The following CNTN3 variants were observed in gnomAD, a reference collection of about 807,000 sequenced individuals.
CNTN3 encodes contactin 3, also known as contactin-3.
A neutral mutation model predicts 119.1 loss-of-function variants in CNTN3; 60 were observed. The observed-to-expected ratio is 0.50, with a 90% CI of 0.41 to 0.62. The LOEUF (loss-of-function observed/expected upper bound fraction) is 0.62. CNTN3 is among the 20% of genes least tolerant of loss of function. CNTN3 has a pLI of 0.00. For missense variants in CNTN3, 1,101 were observed against 1,242.4 expected (o/e 0.89, Z 1.71); for synonymous variants, 450 against 438.7 (o/e 1.03, Z -0.32).
At chr3:74,367,784 A>C (rs1270232070) in intron 8 of CNTN3, among the ~76,000 whole-genome samples, 2 of 152,128 alleles carry the variant, frequency 1.3e-5, no homozygotes, top group African/African-American at 4.8e-5. Flanking sequence ...TTATGTATAC[A>C]GGGTTTCTGT....
At chr3:74,528,740 T>C (rs374510871) in intron 1 of CNTN3, among the ~76,000 whole-genome samples, 3 of 151,960 alleles carry the variant, frequency 2.0e-5, no homozygotes, top group Admixed American at 2.0e-4. Flanking sequence ...TGATATTTTA[T>C]GTATTTTCAA....
Position 74,465,250 on chromosome 3 carries a change from G to A in CNTN3, c.358+21206C>T, listed in dbSNP as rs1575753097. On this transcript the variant is annotated intron_variant, in intron 4 of 22. Transcript: ENST00000263665. The stretch of plus-strand genomic sequence containing the variant: ...TTCACCAGACTTTGTGTTCCATTCC[G>A]GGGATACAAAGAATACCAAATGATC... Among the ~76,000 whole-genome samples, 4 of 152,162 alleles carry A rather than the reference G, an allele frequency of 2.6e-5. 1 individual carries two copies. The highest frequency in any genetic ancestry group is 2.6e-4 in the Admixed American group (4 of 15,266).
At chr3:74,336,255 T>TA (rs925069150) in intron 12 of CNTN3, among the ~76,000 whole-genome samples, 10 of 151,270 alleles carry the variant, frequency 6.6e-5, no homozygotes, top group Non-Finnish European at 1.2e-4. Flanking sequence ...GAATTTTATT[T>TA]AAAAAAAAAT....
chr3:74,356,438 C>G (rs1190919698), intron 11 of CNTN3, among the ~76,000 whole-genome samples: 1 of 152,062 alleles, frequency 6.6e-6, no homozygotes. Context: ...CTCTAGAGAG[C>G]TTGTCCTGAT....
intron 4 of CNTN3, among the ~76,000 whole-genome samples, chr3:74,452,461 A>G (rs2106952042): frequency 6.7e-6 from 1 of 148,364 alleles, no homozygotes; most frequent in Non-Finnish European, 1.5e-5. Flanking sequence ...TCATCTGCAA[A>G]CAGGGACAAT....
In CNTN3 at chr3:74,371,392, T is replaced by C. The variant is rs1210387599; in HGVS notation, c.462A>G (p.Ser154=). The change falls in exon 6 of 23, where the codon TCA becomes TCG. Residue 154 remains serine, a synonymous_variant. Coordinates refer to ENST00000263665, the MANE Select transcript of CNTN3 (RefSeq NM_020872.3). ...GGTATTCATTGAAGATCCAAGCATA[T>C]GACAGTTCTAATAAAATTGTTGAAG... The part of the protein sequence containing the change: ...CGPPPHSGEL[S]YAWIFNEYPS... The C allele has an allele frequency of 1.2e-6, 2 of 1,611,498 alleles. No homozygotes were observed. Among genetic ancestry groups the C allele is most frequent in the African/African-American group, 1.3e-5 (1 of 74,822 alleles).
At chr3:74,267,456 A>G in intron 20 of CNTN3, 78 bp from the exon 21 acceptor site, 1 of 990,586 alleles carries the variant, frequency 1.0e-6, no homozygotes, top group Non-Finnish European at 1.6e-6. Context: ...GGCGGCTATC[A>G]TAGGAAGCTA....
chr3:74,599,378 G>A (rs1181238104), intron 1 of CNTN3, among the ~76,000 whole-genome samples: 1 of 152,084 alleles, frequency 6.6e-6, no homozygotes, highest in East Asian at 1.9e-4. Flanking sequence ...AAACTTGGTA[G>A]ATGAGTAAGA....
chr3:74,410,769 C>T (rs573692785), intron 5 of CNTN3, among the ~76,000 whole-genome samples: 1 of 152,054 alleles, frequency 6.6e-6, no homozygotes, highest in Non-Finnish European at 1.5e-5. Context: ...AGTTTCCCCA[C>T]CAGAAAACAC....
intron 5 of CNTN3, among the ~76,000 whole-genome samples, chr3:74,410,938 G>A (rs187331723): frequency 2.6e-5 from 4 of 152,220 alleles, no homozygotes. Flanking sequence ...GTATCAATAA[G>A]TGAACAGTCA....
intron 2 of CNTN3, among the ~76,000 whole-genome samples, chr3:74,503,077 C>T (rs1703193028): frequency 6.6e-6 from 1 of 152,130 alleles, no homozygotes; most frequent in Non-Finnish European, 1.5e-5. Context: ...CATCTTCTCA[C>T]CTTGCACGTG....
At chr3:74,435,719 C>T (rs927989913) in intron 4 of CNTN3, among the ~76,000 whole-genome samples, 2 of 152,154 alleles carry the variant, frequency 1.3e-5, no homozygotes, top group Non-Finnish European at 2.9e-5. Context: ...AAAGTATTAA[C>T]TTTGCATTTT....
chr3:74,591,920 A>G (rs1704709279), intron 1 of CNTN3, among the ~76,000 whole-genome samples: 1 of 151,926 alleles, frequency 6.6e-6, no homozygotes, highest in South Asian at 2.1e-4. Flanking sequence ...AGAGATGTAG[A>G]GAGGATGGGC....
At chr3:74,414,987 C>T (rs1482609851) in intron 5 of CNTN3, among the ~76,000 whole-genome samples, 4 of 142,836 alleles carry the variant, frequency 2.8e-5, no homozygotes, top group Non-Finnish European at 4.5e-5. Context: ...TAATTTTTTA[C>T]TTAAAGCAGA....
At chr3:74,435,073 C>A (rs1701844160) in intron 4 of CNTN3, among the ~76,000 whole-genome samples, 1 of 152,198 alleles carries the variant, frequency 6.6e-6, no homozygotes, top group Non-Finnish European at 1.5e-5. Context: ...TTGCTCAATA[C>A]ATTAAATTTG....
chr3:74,542,572 T>C (rs1468001341), intron 1 of CNTN3, among the ~76,000 whole-genome samples: 1 of 152,156 alleles, frequency 6.6e-6, no homozygotes, highest in Non-Finnish European at 1.5e-5. Flanking sequence ...TTAAGTACAC[T>C]AACATTAACT....
At chr3:74,298,647 A>G (rs1702390539) in intron 17 of CNTN3, among the ~76,000 whole-genome samples, 1 of 151,752 alleles carries the variant, frequency 6.6e-6, no homozygotes, top group Non-Finnish European at 1.5e-5. Context: ...CTGTAATCCC[A>G]GCACTTTGGG....
At position 74,526,442 on chromosome 3, in the gene CNTN3, T is replaced by C. The variant is rs118176283; in HGVS notation, c.-80-5250A>G. On this transcript the variant is annotated intron_variant, in intron 1 of 22. Transcript: ENST00000263665. ...GTCAGATCAGAAATCATGCATCACA[T>C]AACTGATTTGTTCATTCATAGTCAC... Among the ~76,000 whole-genome samples the C allele has an allele frequency of 1.7e-3, 257 of 151,932 alleles. 4 individuals carry two copies. In the East Asian group the frequency reaches 0.045, roughly 27 times the overall value.
intron 13 of CNTN3, among the ~76,000 whole-genome samples, chr3:74,305,949 A>C (rs1400083227): frequency 6.6e-6 from 1 of 151,946 alleles, no homozygotes; most frequent in African/African-American, 2.4e-5. Context: ...AAGTAACATG[A>C]CTGTAATTCC....
Sources: gnomAD v4.1 joint callset for allele counts (sites outside exome capture counted in the v4.1 genomes callset) on GRCh38, gnomAD v4.1.1 for gene constraint, MANE v1.5 for transcripts, NCBI Gene and HGNC (gene_info 2026-07-23, HGNC 2026-07-21) for gene names.